The following LRP2 variants were observed in gnomAD, a reference collection of about 807,000 sequenced individuals.
LRP2 encodes the protein low-density lipoprotein receptor-related protein 2.
A neutral mutation model predicts 531.0 loss-of-function variants in LRP2; 172 were observed. That is an observed-to-expected ratio of 0.32 (90% CI 0.29 to 0.37). The LOEUF (loss-of-function observed/expected upper bound fraction) is 0.37, where lower values mean the gene tolerates loss of function less well. Ranked by LOEUF, LRP2 falls within the 10% of genes least tolerant of loss-of-function variation. The probability of loss-of-function intolerance (pLI) is 1.00; values close to 1 mark genes in which losing one functional copy is unlikely to be tolerated. For missense variants in LRP2, 5,167 were observed against 5,868.3 expected, an observed-to-expected ratio of 0.88 and a Z score of 3.90; for synonymous variants, 1,992 against 2,027.6, an observed-to-expected ratio of 0.98 and a Z score of 0.47.
intron 1 of LRP2, among the ~76,000 whole-genome samples, chr2:169,347,791 G>A (rs151094896): frequency 7.0e-4 from 106 of 152,208 alleles, no homozygotes; most frequent in East Asian, 1.9e-3. Context: ...GTTACATCAC[G>A]CCTAGAGCAT....
rs1246789816 is a variant in LRP2, at chr2:169,174,043, A to G, written c.10890T>C (p.Cys3630=). Residue 3630 remains cysteine, a synonymous_variant, in exon 56 of 79, where the codon TGT becomes TGC. Coordinates refer to ENST00000649046, the MANE Select transcript of LRP2 (RefSeq NM_004525.3). ...GGCCCGGCCGGCAGGTCCTGCTGGC[A>G]CAGTGGGAACTGTCTTCATCTGAGT... ...EDNSDEDSSH[C]ASRTCRPGQF... 1.2e-6 allele frequency: 2 copies of G among 1,614,208 alleles called. No homozygotes were observed. The highest frequency in any genetic ancestry group is 4.5e-5 in the East Asian group (2 of 44,886).
At chr2:169,168,299 C>T (rs1401804141) in intron 61 of LRP2, among the ~76,000 whole-genome samples, 1 of 151,746 alleles carries the variant, frequency 6.6e-6, no homozygotes, top group Non-Finnish European at 1.5e-5. Flanking sequence ...GCAACATTTC[C>T]CTTAAAGACA....
chr2:169,309,194 GT>G (rs1684518605), intron 3 of LRP2, among the ~76,000 whole-genome samples: 1 of 152,134 alleles, frequency 6.6e-6, no homozygotes, highest in African/African-American at 2.4e-5. Context: ...TCTGATGGTA[GT>G]TTCTATTGCT....
At chr2:169,337,933 C>A (rs1438277644) in intron 1 of LRP2, among the ~76,000 whole-genome samples, 1 of 152,030 alleles carries the variant, frequency 6.6e-6, no homozygotes, top group East Asian at 1.9e-4. Flanking sequence ...ATAGTGAGAG[C>A]CAGTATCTAC....
rs142525751 is a variant in LRP2 at position 169,298,822 on chromosome 2, A to C, written c.428-4112T>G. Among the ~76,000 whole-genome samples, 225 of 151,888 alleles carry C rather than the reference A, an allele frequency of 1.5e-3. 1 individual carries two copies. The highest frequency in any genetic ancestry group is 2.7e-3 in the Non-Finnish European group (183 of 67,924). On this transcript the variant is annotated intron_variant, in intron 4 of 78. Transcript: ENST00000649046. Reference sequence around the variant, plus strand: ...ACAAACAGGAGAGTCAATACCAAAAAACAGGCCATAAAGTTAGTCTCATGA... The same window carrying C: ...ACAAACAGGAGAGTCAATACCAAAACACAGGCCATAAAGTTAGTCTCATGA...
rs1690434446 is a variant in LRP2, at chr2:169,259,183, A to G, written c.2355T>C (p.Asn785=). ...REILAANRVE[N]VESLAFDWIS... The stretch of plus-strand genomic sequence containing the variant: ...TCCAATCAAAAGCCAAACTTTCAAC[A>G]TTTTCCACCCTGTTAGCTGCGAGAA... Residue 785 remains asparagine (N), a synonymous_variant, in exon 17 of 79, where the codon AAT becomes AAC. Coordinates refer to ENST00000649046, the MANE Select transcript of LRP2 (RefSeq NM_004525.3). 1.9e-6 allele frequency: 3 copies of G among 1,613,092 alleles called. No homozygotes were observed. Among genetic ancestry groups the G allele is most frequent in the Non-Finnish European group, 2.5e-6 (3 of 1,179,472 alleles).
chr2:169,147,442 G>C (rs982717690), intron 68 of LRP2, among the ~76,000 whole-genome samples: 6 of 152,098 alleles, frequency 3.9e-5, no homozygotes, highest in Non-Finnish European at 8.8e-5. Flanking sequence ...AGCCTCCTGA[G>C]TAGCTAGGAC....
intron 53 of LRP2, among the ~76,000 whole-genome samples, 170 bp downstream of exon 53, chr2:169,177,633 G>A (rs1038582969): frequency 1.3e-5 from 2 of 152,116 alleles, no homozygotes; most frequent in South Asian, 4.1e-4. Context: ...AGGGGAAGGG[G>A]GATAAACTCT....
At chr2:169,222,693 A>G (rs1689061836) in intron 33 of LRP2, among the ~76,000 whole-genome samples, 1 of 152,218 alleles carries the variant, frequency 6.6e-6, no homozygotes, top group Non-Finnish European at 1.5e-5. Context: ...TAATCTGAAA[A>G]TAGAACAATT....
At chr2:169,224,951 C>T (rs1463316628) in intron 33 of LRP2, among the ~76,000 whole-genome samples, 1 of 151,874 alleles carries the variant, frequency 6.6e-6, no homozygotes, top group Non-Finnish European at 1.5e-5. Context: ...ATTAACTAGG[C>T]TTGGTGGTGC....
chr2:169,307,244 G>A, intron 4 of LRP2, 37 bp downstream of exon 4: 1 of 1,401,740 alleles, frequency 7.1e-7, no homozygotes. Flanking sequence ...GGACAAGGGT[G>A]AAACCAAATA....
At chr2:169,273,153 T>C in intron 14 of LRP2, 86 bp from the exon 15 acceptor site, 1 of 1,479,968 alleles carries the variant, frequency 6.8e-7, no homozygotes, top group Non-Finnish European at 9.4e-7. Flanking sequence ...CCTTTTCACC[T>C]ATAGGTGAAA....
chr2:169,226,703 T>G, intron 31 of LRP2, 115 bp from the exon 32 acceptor site: 2 of 781,766 alleles, frequency 2.6e-6, no homozygotes, highest in Non-Finnish European at 4.4e-6. Flanking sequence ...ATTGCAGCAT[T>G]GCAGCAATAA....
chr2:169,246,298 G>A (rs1690001921), intron 21 of LRP2, among the ~76,000 whole-genome samples: 1 of 151,990 alleles, frequency 6.6e-6, no homozygotes, highest in South Asian at 2.1e-4. Context: ...GTAGAGACCG[G>A]ATTTCGTCAT....
intron 55 of LRP2, among the ~76,000 whole-genome samples, chr2:169,174,436 TCTC>T (rs1187768431): frequency 6.6e-6 from 1 of 152,230 alleles, no homozygotes; most frequent in Admixed American, 6.5e-5. Flanking sequence ...CTGTCCCTAT[TCTC>T]CTACTGGAAA....
chr2:169,301,526 A>G (rs1314899123), intron 4 of LRP2, among the ~76,000 whole-genome samples: 2 of 152,078 alleles, frequency 1.3e-5, no homozygotes, highest in Admixed American at 1.3e-4. Flanking sequence ...AGGTTTTAAT[A>G]TATATATATT....
intron 3 of LRP2, among the ~76,000 whole-genome samples, chr2:169,311,920 C>T (rs1684608847): frequency 6.6e-6 from 1 of 152,114 alleles, no homozygotes; most frequent in African/African-American, 2.4e-5. Flanking sequence ...ATAGTTAGCT[C>T]TTCTTGTTGA....
intron 8 of LRP2, 85 bp downstream of exon 8, chr2:169,290,760 A>G: frequency 7.0e-7 from 1 of 1,422,972 alleles, no homozygotes. Context: ...TGCAAATGCC[A>G]ACAGATACAC....
intron 16 of LRP2, among the ~76,000 whole-genome samples, chr2:169,267,673 C>A (rs1194789158): frequency 1.3e-5 from 2 of 152,044 alleles, no homozygotes; most frequent in African/African-American, 4.8e-5. Flanking sequence ...AAAACTGACA[C>A]CCTAACATCA....
Sources: allele counts gnomAD v4.1 joint callset (sites outside exome capture counted in the v4.1 genomes callset), GRCh38; gene constraint gnomAD v4.1.1; transcripts MANE v1.5; gene names NCBI Gene and HGNC (gene_info 2026-07-23, HGNC 2026-07-21).